The following MTSS2 variants were observed in gnomAD, a reference collection of about 807,000 sequenced individuals.
MTSS2 encodes MTSS I-BAR domain containing 2.
MTSS2 carries 27 observed loss-of-function variants against 67.1 expected under a neutral mutation model. That is an observed-to-expected ratio of 0.40 (90% CI 0.30 to 0.55). The LOEUF (loss-of-function observed/expected upper bound fraction) is 0.55, where lower values mean the gene tolerates loss of function less well. MTSS2 is among the 20% of genes least tolerant of loss of function. MTSS2 has a pLI of 0.43. For missense variants in MTSS2, 1,171 were observed against 1,067.8 expected (o/e 1.10, Z -1.35); for synonymous variants, 624 against 468.6 (o/e 1.33, Z -4.28).
At position 70,683,393 on chromosome 16, in the gene MTSS2, T is replaced by G. The variant is rs546476325; in HGVS notation, c.69+2330A>C. Among the ~76,000 whole-genome samples, 161 of 152,264 alleles carry G rather than the reference T, an allele frequency of 1.1e-3. 3 individuals are homozygous for G. The highest frequency in any genetic ancestry group is 4.1e-4 in the South Asian group (2 of 4,826). ...CAGTAAGTGCTCAGTTAACACCAGC[T>G]AACAGTACGCAAGCCCTGCCCTCTG... On this transcript the variant is annotated intron_variant, in intron 1 of 14. Coordinates refer to ENST00000338779, the MANE Select transcript of MTSS2 (RefSeq NM_138383.3).
chr16:70,667,051 G>T (rs550282461), intron 11 of MTSS2, among the ~76,000 whole-genome samples: 18 of 152,246 alleles, frequency 1.2e-4, no homozygotes, highest in Middle Eastern at 3.4e-3. Context: ...TGATGCATAA[G>T]GATCACTTGA....
chr16:70,683,761 C>T lies in MTSS2; in HGVS notation c.69+1962G>A, dbSNP rs190576699. The stretch of plus-strand genomic sequence containing the variant: ...GGCAAGCTCAGTCTCCTCAACCTGG[C>T]TGCTGATGGCCGCCCTTCCTCTACG... On this transcript the variant is annotated intron_variant, in intron 1 of 14. Coordinates refer to ENST00000338779, the MANE Select transcript of MTSS2 (RefSeq NM_138383.3). Among the ~76,000 whole-genome samples the T allele has an allele frequency of 5.9e-5, 9 of 152,298 alleles. No homozygotes were observed. The East Asian group carries it at 1.7e-3, about 30-fold the overall frequency.
rs372271643 is a variant in MTSS2 at position 70,661,628 on chromosome 16, G to T, written c.*2049C>A. ...GGGCCTATGAGGTGGTTGCTAAGTCGACGCAAGGGCGGCGGGGGTGGTCTC... is the reference window on the plus strand; with the variant it reads ...GGGCCTATGAGGTGGTTGCTAAGTCTACGCAAGGGCGGCGGGGGTGGTCTC... On this transcript the variant is annotated 3_prime_UTR_variant, in exon 15 of 15. Transcript: ENST00000338779. 8.2e-5 allele frequency: 28 copies of T among 341,178 alleles called. No homozygotes were observed. Among genetic ancestry groups the T allele is most frequent in the Non-Finnish European group, 1.5e-4 (27 of 175,372 alleles). The allele number at this position is 341,178 out of a possible 1,614,324, so 21.1% of individuals were successfully genotyped here. A position where few individuals can be genotyped will look rare whatever the true frequency, so the allele number is the denominator to read the frequency against.
chr16:70,679,534 T>G, intron 6 of MTSS2, 96 bp downstream of exon 6: 1 of 1,386,556 alleles, frequency 7.2e-7, no homozygotes, highest in Non-Finnish European at 9.8e-7. Context: ...ACAGCGCCCC[T>G]CTGGCTGGGA....
chr16:70,679,588 G>A (rs751401314), intron 6 of MTSS2, 42 bp downstream of exon 6: 8 of 1,552,002 alleles, frequency 5.2e-6, no homozygotes, highest in Middle Eastern at 1.7e-4. Flanking sequence ...GCTGTGGAGC[G>A]GGGCCGTGGG....
chr16:70,674,578 G>T, intron 10 of MTSS2, 50 bp from the exon 11 acceptor site: 2 of 1,546,524 alleles, frequency 1.3e-6, no homozygotes, highest in Non-Finnish European at 1.8e-6. Flanking sequence ...GAGACAGAGG[G>T]GTGTGTGTTT....
At chr16:70,675,397 TG>T (rs2053084564) in intron 10 of MTSS2, among the ~76,000 whole-genome samples, 1 of 152,148 alleles carries the variant, frequency 6.6e-6, no homozygotes, top group Admixed American at 6.5e-5. Context: ...CACTCCAGCC[TG>T]GGTGACAGAG....
intron 11 of MTSS2, among the ~76,000 whole-genome samples, chr16:70,669,570 CT>C: frequency 6.6e-6 from 1 of 151,992 alleles, no homozygotes; most frequent in Admixed American, 6.6e-5. Flanking sequence ...AATCCCAGCA[CT>C]TTGGGAGGCC....
rs371959538 is a variant in MTSS2, at chr16:70,677,040, GC to G, written c.733-63del. 8,833 of 1,228,298 alleles carry G rather than the reference GC, an allele frequency of 7.2e-3. 65 individuals carry two copies. The highest frequency in any genetic ancestry group is 0.027 in the Middle Eastern group (136 of 4,952). 76.1% of individuals were successfully genotyped at this position (1,228,298 alleles called of 1,614,324 possible). The stretch of plus-strand genomic sequence containing the variant: ...CTCCTCAGAGCTAGTAGGGCCAGAG[GC>G]CCCCCCCCACTCTCTAATTGTGAAC... On this transcript the variant is annotated intron_variant, in intron 9 of 14. Coordinates refer to ENST00000338779, the MANE Select transcript of MTSS2 (RefSeq NM_138383.3).
intron 11 of MTSS2, among the ~76,000 whole-genome samples, chr16:70,667,746 G>A (rs990346566): frequency 6.6e-6 from 1 of 152,154 alleles, no homozygotes; most frequent in African/African-American, 2.4e-5. Context: ...GGTGGTACAT[G>A]TCTATAATTC....
In MTSS2 at chr16:70,663,440, T is replaced by G; in HGVS notation, c.*237A>C. 1.4e-6 allele frequency: 1 copy of G among 696,284 alleles called. No individual in the cohort carries two copies. The highest frequency in any genetic ancestry group is 2.3e-6 in the Non-Finnish European group (1 of 444,398). 43.1% of individuals were successfully genotyped at this position (696,284 alleles called of 1,614,324 possible). A position where few individuals can be genotyped will look rare whatever the true frequency, so the allele number is the denominator to read the frequency against. ...GAGGAAGAGGAGGGACCGAAGAGCA[T>G]AAAACAGACCCCGAACCAGGCCCAG... On this transcript the variant is annotated 3_prime_UTR_variant, in exon 15 of 15. Coordinates refer to ENST00000338779, the MANE Select transcript of MTSS2 (RefSeq NM_138383.3).
At chr16:70,667,094 A>G (rs1434889859) in intron 11 of MTSS2, among the ~76,000 whole-genome samples, 1 of 152,016 alleles carries the variant, frequency 6.6e-6, no homozygotes, top group Non-Finnish European at 1.5e-5. Context: ...TAACATAGTG[A>G]GACCCCTGAC....
rs200833605 is a variant in MTSS2, at chr16:70,678,399, G to T, written c.477C>A (p.Asp159Glu). ...GGGCACTGTCCAGCTGGGGCTGCAG[G>T]TCTCCTTTCCCTGGAGGGGTGGGGA... ...KARKELLGKG[D>E]LQPQLDSALQ... Residue 159 changes from aspartate (D) to glutamate (E), a missense_variant, in exon 8 of 15, where the codon GAC (aspartate) becomes GAA (glutamate). Physicochemically the swap from Asp to Glu is conservative, Grantham distance 45 (BLOSUM62 2). This residue lies in a region of MTSS2 where 247 missense variants were observed against 311.8 expected (regional missense o/e 0.79). Coordinates refer to ENST00000338779, the MANE Select transcript of MTSS2 (RefSeq NM_138383.3). 86 of 1,610,874 alleles carry T rather than the reference G, an allele frequency of 5.3e-5. 1 individual carries two copies. Among genetic ancestry groups the T allele is most frequent in the Non-Finnish European group, 1.4e-5 (17 of 1,179,044 alleles).
intron 11 of MTSS2, among the ~76,000 whole-genome samples, chr16:70,670,034 G>A (rs2052873025): frequency 6.6e-6 from 1 of 151,896 alleles, no homozygotes; most frequent in South Asian, 2.1e-4. Context: ...ACTTTGGGAG[G>A]CTGAGGGGGG....
rs1273342345 is a variant in MTSS2 at position 70,663,764 on chromosome 16, CG to C, written c.2156del (p.Pro719ArgfsTer49). On this transcript the variant is annotated frameshift_variant, in exon 15 of 15. Coordinates refer to ENST00000338779, the MANE Select transcript of MTSS2 (RefSeq NM_138383.3). LOFTEE classifies it high-confidence loss of function. ...TPPPAATSDP[P>X]AEDMLVAIRR... ...GGATGGCCACCAGCATGTCTTCGGC[CG>C]GGGGGTCGCTGGTGGCGGCTGGGGG... is the stretch of plus-strand genomic sequence containing the variant. 7 of 1,537,522 alleles carry C rather than the reference CG, an allele frequency of 4.6e-6. No homozygotes were observed. The highest frequency in any genetic ancestry group is 2.0e-5 in the Admixed American group (1 of 50,154).
At chr16:70,680,918 G>GGGGGGGGGGGGGGGGGCCCCCCC in intron 2 of MTSS2, 46 bp downstream of exon 2, 1 of 1,097,910 alleles carries the variant, frequency 9.1e-7, no homozygotes, top group Non-Finnish European at 1.3e-6. Context: ...CGGGGGGGGG[G>GGGGGGGGGGGGGGGGGCCCCCCC]CCTCTGCCTG....
chr16:70,664,514 T>A (rs1030625499), intron 14 of MTSS2, 65 bp from the exon 15 acceptor site: 1 of 1,563,322 alleles, frequency 6.4e-7, no homozygotes, highest in South Asian at 1.2e-5. Context: ...CCCACCAGGG[T>A]GAGCACAGAG....
At position 70,676,993 on chromosome 16, in the gene MTSS2, G is replaced by A. The variant is rs769240357; in HGVS notation, c.733-15C>T. 5.6e-6 allele frequency: 9 copies of A among 1,606,236 alleles called. No individual in the cohort carries two copies. The South Asian group carries it at 9.9e-5, about 18-fold the overall frequency. Reference sequence around the variant, plus strand: ...TCTTTGATTACCTGGACAGGGACATGGATGGGGGTCACTGGAGGCAGCTCC... The same window carrying A: ...TCTTTGATTACCTGGACAGGGACATAGATGGGGGTCACTGGAGGCAGCTCC... On this transcript the variant is annotated splice_polypyrimidine_tract_variant and intron_variant, in intron 9 of 14. Coordinates refer to ENST00000338779, the MANE Select transcript of MTSS2 (RefSeq NM_138383.3).
At chr16:70,669,007 A>C (rs1476201170) in intron 11 of MTSS2, among the ~76,000 whole-genome samples, 1 of 152,070 alleles carries the variant, frequency 6.6e-6, no homozygotes, top group Non-Finnish European at 1.5e-5. Context: ...ACCTCACACC[A>C]CACACACACC....
Sources: gnomAD v4.1 joint callset for allele counts (sites outside exome capture counted in the v4.1 genomes callset) on GRCh38, gnomAD v4.1.1 for gene constraint, gnomAD v4.1.1 regional missense constraint, MANE v1.5 for transcripts, NCBI Gene and HGNC (gene_info 2026-07-23, HGNC 2026-07-21) for gene names.